Variants in ST6GALNAC3 observed in about 807,000 individuals in gnomAD.
ST6GALNAC3 encodes the protein alpha-N-acetylgalactosaminide alpha-2,6-sialyltransferase 3.
Under a neutral mutation model 32.7 loss-of-function variants are expected in ST6GALNAC3, and 25 were observed. That is an observed-to-expected ratio of 0.76 (90% confidence interval 0.56 to 1.07). The LOEUF (loss-of-function observed/expected upper bound fraction) is 1.07. Ranked by LOEUF, ST6GALNAC3 falls within the 50% of genes least tolerant of loss-of-function variation. The pLI is 0.00. For synonymous variants in ST6GALNAC3, 129 were observed against 133.1 expected, an observed-to-expected ratio of 0.97 and a Z score of 0.21; for missense variants, 355 against 382.4, an observed-to-expected ratio of 0.93 and a Z score of 0.60.
chr1:76,627,366 T>G, intron 3 of ST6GALNAC3, 86 bp from the exon 4 acceptor site: 1 of 838,418 alleles, frequency 1.2e-6, no homozygotes, highest in Non-Finnish European at 2.0e-6. Flanking sequence ...TGATGAAATG[T>G]TGCTCGTTTC....
At chr1:76,627,360 G>T in intron 3 of ST6GALNAC3, 92 bp from the exon 4 acceptor site, 2 of 807,872 alleles carry the variant, frequency 2.5e-6, no homozygotes, top group South Asian at 1.6e-5. Flanking sequence ...TGTTTTTGAT[G>T]AAATGTTGCT....
chr1:76,516,719 A>G (rs1336655385), intron 3 of ST6GALNAC3, among the ~76,000 whole-genome samples: 1 of 152,116 alleles, frequency 6.6e-6, no homozygotes, highest in Non-Finnish European at 1.5e-5. Context: ...TCCCTCTGCT[A>G]GTGAGTTAAC....
At chr1:76,435,334 A>G (rs951878502) in intron 3 of ST6GALNAC3, among the ~76,000 whole-genome samples, 2 of 152,200 alleles carry the variant, frequency 1.3e-5, no homozygotes, top group Non-Finnish European at 2.9e-5. Flanking sequence ...GGGAAAACAA[A>G]TGATTAAATA....
chr1:76,417,228 T>TC (rs1024033429), intron 3 of ST6GALNAC3, among the ~76,000 whole-genome samples: 8 of 150,912 alleles, frequency 5.3e-5, no homozygotes, highest in African/African-American at 1.5e-4. Flanking sequence ...TTTCTTTCTT[T>TC]TTTTTTTTTT....
chr1:76,470,340 A>C (rs1051302637), intron 3 of ST6GALNAC3, among the ~76,000 whole-genome samples: 1 of 152,072 alleles, frequency 6.6e-6, no homozygotes, highest in Non-Finnish European at 1.5e-5. Context: ...ATTCCACATG[A>C]AGCTAATGGA....
rs1013016408 is a variant in ST6GALNAC3, at chr1:76,228,892, C to T, written c.19-84913C>T. Among the ~76,000 whole-genome samples the T allele has an allele frequency of 3.9e-5, 6 of 152,272 alleles. No homozygotes were observed. The South Asian group carries it at 1.0e-3, about 26-fold the overall frequency. ...AGGTCATGCCAGTCAGGACCCTGCGCATTGATGGTCATCTTCAGGTGATTA... is the reference window on the plus strand; with the variant it reads ...AGGTCATGCCAGTCAGGACCCTGCGTATTGATGGTCATCTTCAGGTGATTA... On this transcript the variant is annotated intron_variant, in intron 1 of 4. Transcript: ENST00000328299.
chr1:76,434,905 C>T (rs561166896), intron 3 of ST6GALNAC3, among the ~76,000 whole-genome samples: 90 of 151,120 alleles, frequency 6.0e-4, no homozygotes, highest in Non-Finnish European at 1.1e-3. Flanking sequence ...ATTCTCCTGC[C>T]TCAGCCTCTT....
intron 1 of ST6GALNAC3, among the ~76,000 whole-genome samples, chr1:76,180,340 C>T (rs550110001): frequency 1.3e-5 from 2 of 152,212 alleles, no homozygotes; most frequent in South Asian, 2.1e-4. Context: ...GTAGAACTAA[C>T]GTTTAATCTT....
chr1:76,414,149 C>T lies in ST6GALNAC3; in HGVS notation c.623+1732C>T, dbSNP rs562275254. 6.9e-4 allele frequency among the ~76,000 whole-genome samples: 105 copies of T among 152,168 alleles called. 1 individual carries two copies. Among genetic ancestry groups the T allele is most frequent in the African/African-American group, 2.5e-3 (104 of 41,522 alleles). On this transcript the variant is annotated intron_variant, in intron 3 of 4. Transcript: ENST00000328299. ...ATAGCTTTGGGAGATCATTTTCTTA[C>T]TGGCCATGATGAAGAAAGCTGTATC...
At position 76,521,864 on chromosome 1, in the gene ST6GALNAC3, T is replaced by C. The variant is rs1314341784; in HGVS notation, c.624-105588T>C. ...CAGGTGGATTGCCTGAGCTCAGGAG[T>C]TCGAGACCAGCCTGGGCAACACGGT... is the stretch of plus-strand genomic sequence containing the variant. On this transcript the variant is annotated intron_variant, in intron 3 of 4. Transcript: ENST00000328299. Among the ~76,000 whole-genome samples the C allele has an allele frequency of 3.3e-5, 5 of 152,076 alleles. No individual in the cohort carries two copies. In the East Asian group the frequency reaches 9.7e-4, roughly 29 times the overall value.
intron 1 of ST6GALNAC3, among the ~76,000 whole-genome samples, chr1:76,296,025 TG>T (rs1028433263): frequency 3.9e-5 from 6 of 152,020 alleles, no homozygotes; most frequent in Admixed American, 2.0e-4. Flanking sequence ...GTAGCATATG[TG>T]GGGGTGGTGT....
chr1:76,143,409 G>GTGTGTGTA (rs1557651160), intron 1 of ST6GALNAC3, among the ~76,000 whole-genome samples: 1 of 151,630 alleles, frequency 6.6e-6, no homozygotes, highest in East Asian at 1.9e-4. Flanking sequence ...GTGTGTGTGT[G>GTGTGTGTA]TGTGTGTGTG....
chr1:76,171,881 TTC>T (rs1652537141), intron 1 of ST6GALNAC3, among the ~76,000 whole-genome samples: 1 of 147,204 alleles, frequency 6.8e-6, no homozygotes, highest in African/African-American at 2.5e-5. Context: ...GATTCACAGA[TTC>T]ACAGCTGAAT....
intron 3 of ST6GALNAC3, among the ~76,000 whole-genome samples, chr1:76,452,493 A>G (rs1339199942): frequency 1.3e-5 from 2 of 152,156 alleles, no homozygotes; most frequent in African/African-American, 4.8e-5. Flanking sequence ...ATAAAAGGAT[A>G]GTGAATTTTG....
intron 3 of ST6GALNAC3, among the ~76,000 whole-genome samples, chr1:76,492,009 C>T (rs1660531779): frequency 6.6e-6 from 1 of 152,144 alleles, no homozygotes; most frequent in Non-Finnish European, 1.5e-5. Flanking sequence ...CTGATATGTA[C>T]ATAATTAGAT....
intron 1 of ST6GALNAC3, among the ~76,000 whole-genome samples, chr1:76,277,532 A>G (rs1307741224): frequency 2.4e-4 from 12 of 50,854 alleles, no homozygotes; most frequent in South Asian, 1.9e-3. Context: ...TTATGTGTAT[A>G]TATATATATA....
chr1:76,508,188 T>C (rs897819400), intron 3 of ST6GALNAC3, among the ~76,000 whole-genome samples: 1 of 152,188 alleles, frequency 6.6e-6, no homozygotes, highest in African/African-American at 2.4e-5. Flanking sequence ...GGGATAGCGT[T>C]AGATTCTCAT....
rs534951260 is a variant in ST6GALNAC3 at position 76,277,198 on chromosome 1, T to C, written c.19-36607T>C. ...ATTCCTTATGGTTGATATTTTGTTG[T>C]CTTATTTTTAAAATTATTTTCTACT... On this transcript the variant is annotated intron_variant, in intron 1 of 4. Coordinates refer to ENST00000328299, the MANE Select transcript of ST6GALNAC3 (RefSeq NM_152996.4). 3.3e-5 allele frequency among the ~76,000 whole-genome samples: 5 copies of C among 152,254 alleles called. No homozygotes were observed. In the South Asian group the frequency reaches 6.2e-4, roughly 19 times the overall value.
chr1:76,308,028 A>C, intron 1 of ST6GALNAC3: 1 of 373,646 alleles, frequency 2.7e-6, no homozygotes, highest in Non-Finnish European at 5.5e-6. Flanking sequence ...AGGCCCCTTC[A>C]GACTTGCCCA....
Sources: gnomAD v4.1 joint callset for allele counts (sites outside exome capture counted in the v4.1 genomes callset) on GRCh38, gnomAD v4.1.1 for gene constraint, MANE v1.5 for transcripts, NCBI Gene and HGNC (gene_info 2026-07-23, HGNC 2026-07-21) for gene names.